MYT1L: variants seen among roughly 807,000 people sequenced by gnomAD.
The protein encoded by MYT1L is myelin transcription factor 1 like, also known as myelin transcription factor 1-like protein.
MYT1L carries 12 observed loss-of-function variants against 126.7 expected under a neutral mutation model. That is an observed-to-expected ratio of 0.09 (90% CI 0.06 to 0.15). The LOEUF (loss-of-function observed/expected upper bound fraction) is 0.15. Ranked by LOEUF, MYT1L falls within the 10% of genes least tolerant of loss-of-function variation. The probability of loss-of-function intolerance (pLI) is 1.00; values close to 1 mark genes in which losing one functional copy is unlikely to be tolerated. For synonymous variants in MYT1L, 541 were observed against 604.2 expected (o/e 0.90, Z 1.53); for missense variants, 979 against 1,585.2 (o/e 0.62, Z 6.49).
intron 3 of MYT1L, among the ~76,000 whole-genome samples, chr2:2,165,290 A>T (rs1433767539): frequency 3.3e-5 from 5 of 149,910 alleles, no homozygotes; most frequent in African/African-American, 7.4e-5. Context: ...CAAACCAATC[A>T]CACACACACA....
rs2092905014 is a variant in MYT1L at position 2,198,082 on chromosome 2, T to TA, written c.-420-25095dup. On this transcript the variant is annotated intron_variant, in intron 2 of 24. Coordinates refer to ENST00000647738, the MANE Select transcript of MYT1L (RefSeq NM_001303052.2). ...TACACAATGGAACACTACCCAGCAA[T>TA]AAAAAAAGAAGGAAATTCTGTTATT... is the stretch of plus-strand genomic sequence containing the variant. 2.0e-5 allele frequency among the ~76,000 whole-genome samples: 3 copies of TA among 151,656 alleles called. No homozygotes were observed. The South Asian group carries it at 6.2e-4, about 31-fold the overall frequency.
At chr2:1,892,350 C>T (rs2048998214) in intron 14 of MYT1L, 63 bp from the exon 15 acceptor site, 8 of 1,509,016 alleles carry the variant, frequency 5.3e-6, no homozygotes, top group Non-Finnish European at 6.2e-6. Context: ...AGACAGCACA[C>T]GGCAGGGCCT....
chr2:2,186,472 A>G (rs1305143409), intron 2 of MYT1L, among the ~76,000 whole-genome samples: 1 of 152,242 alleles, frequency 6.6e-6, no homozygotes, highest in Non-Finnish European at 1.5e-5. Context: ...TGAACAGATA[A>G]TAGGGAGAAT....
chr2:1,864,562 T>C (rs78572643), intron 18 of MYT1L, among the ~76,000 whole-genome samples: 1 of 151,994 alleles, frequency 6.6e-6, no homozygotes. Context: ...CCAGTCGCCG[T>C]CCCCAGGCTG....
At chr2:2,116,199 C>T (rs1032330882) in intron 3 of MYT1L, among the ~76,000 whole-genome samples, 3 of 152,202 alleles carry the variant, frequency 2.0e-5, no homozygotes, top group African/African-American at 7.2e-5. Flanking sequence ...TGGAATGCTG[C>T]GGAGGAGATG....
intron 21 of MYT1L, among the ~76,000 whole-genome samples, chr2:1,815,032 A>C (rs1281892511): frequency 6.6e-6 from 1 of 152,198 alleles, no homozygotes; most frequent in African/African-American, 2.4e-5. Flanking sequence ...TTTAAAAGCA[A>C]ACAAAATTTC....
At chr2:2,021,160 G>T (rs754078130) in intron 4 of MYT1L, among the ~76,000 whole-genome samples, 1 of 152,156 alleles carries the variant, frequency 6.6e-6, no homozygotes, top group Non-Finnish European at 1.5e-5. Context: ...GTGATAATTG[G>T]GTTCCTACTG....
intron 3 of MYT1L, among the ~76,000 whole-genome samples, chr2:2,168,940 T>G (rs2089592555): frequency 6.6e-6 from 1 of 152,248 alleles, no homozygotes; most frequent in Non-Finnish European, 1.5e-5. Context: ...CTGGTACCTC[T>G]GTCCACTTCT....
At chr2:1,931,900 A>G (rs2055053191) in intron 9 of MYT1L, among the ~76,000 whole-genome samples, 1 of 152,082 alleles carries the variant, frequency 6.6e-6, no homozygotes, top group South Asian at 2.1e-4. Context: ...ACTCCTGTCC[A>G]CGCCCTCAGT....
At chr2:2,315,826 A>T (rs2096056666) in intron 1 of MYT1L, among the ~76,000 whole-genome samples, 1 of 152,066 alleles carries the variant, frequency 6.6e-6, no homozygotes, top group African/African-American at 2.4e-5. Context: ...TTGCCTGTAA[A>T]TTTTTTTACT....
intron 3 of MYT1L, among the ~76,000 whole-genome samples, chr2:2,145,642 G>GACACACACACACACACACAC (rs139332300): frequency 1.2e-3 from 183 of 146,522 alleles, no homozygotes; most frequent in African/African-American, 4.4e-3. Context: ...ACACACACAA[G>GACACACACACACACACACAC]ACACACACAC....
At chr2:2,068,825 G>C (rs2074241942) in intron 3 of MYT1L, among the ~76,000 whole-genome samples, 1 of 120,646 alleles carries the variant, frequency 8.3e-6, no homozygotes, top group South Asian at 3.0e-4. Flanking sequence ...AGTATGTGGA[G>C]GAAAAAGAGA....
intron 2 of MYT1L, among the ~76,000 whole-genome samples, chr2:2,260,968 C>T (rs377513997): frequency 4.6e-4 from 70 of 152,276 alleles, no homozygotes; most frequent in Non-Finnish European, 8.5e-4. Flanking sequence ...CTCTCAGGAG[C>T]CTGTCCTTGA....
At chr2:1,814,689 A>G (rs1435437210) in intron 21 of MYT1L, among the ~76,000 whole-genome samples, 1 of 152,112 alleles carries the variant, frequency 6.6e-6, no homozygotes, top group East Asian at 1.9e-4. Flanking sequence ...AGAATTTTTA[A>G]AGATCTGCTC....
At chr2:2,113,608 C>A (rs571244158) in intron 3 of MYT1L, among the ~76,000 whole-genome samples, 17 of 152,338 alleles carry the variant, frequency 1.1e-4, no homozygotes, top group Admixed American at 2.6e-4. Flanking sequence ...AACTGGGCCA[C>A]TTTTAAGTGG....
intron 8 of MYT1L, among the ~76,000 whole-genome samples, chr2:1,971,216 A>G (rs1021639922): frequency 1.3e-5 from 2 of 152,070 alleles, no homozygotes; most frequent in Non-Finnish European, 2.9e-5. Flanking sequence ...TCATGCTCTA[A>G]GATGCATTAC....
intron 2 of MYT1L, among the ~76,000 whole-genome samples, chr2:2,266,470 G>A (rs1231144827): frequency 6.6e-6 from 1 of 151,950 alleles, no homozygotes; most frequent in African/African-American, 2.4e-5. Flanking sequence ...AAGGCCCAAA[G>A]TAGTAAAAAT....
At chr2:1,807,058 A>G (rs11684279) in intron 22 of MYT1L, among the ~76,000 whole-genome samples, 74,872 of 151,994 alleles carry the variant, frequency 0.49, 18,778 homozygotes, top group South Asian at 0.61. Context: ...CTGCATCCAC[A>G]GGGAGAGGTT....
At chr2:2,327,070 A>G (rs965194095) in intron 1 of MYT1L, 4 of 152,234 alleles carry the variant, frequency 2.6e-5, no homozygotes, top group African/African-American at 9.6e-5. Flanking sequence ...TAAATAATCT[A>G]ATATCAGAAA....
Sources: gnomAD v4.1 joint callset for allele counts (sites outside exome capture counted in the v4.1 genomes callset) on GRCh38, gnomAD v4.1.1 for gene constraint, MANE v1.5 for transcripts, NCBI Gene and HGNC (gene_info 2026-07-23, HGNC 2026-07-21) for gene names.